The following PLXNA4 variants were observed in gnomAD, a reference collection of about 807,000 sequenced individuals.
The protein encoded by PLXNA4 is plexin A4.
A neutral mutation model predicts 191.8 loss-of-function variants in PLXNA4; 44 were observed. The ratio of observed to expected loss-of-function variants is 0.23; its 90% CI spans 0.18 to 0.29. PLXNA4 has a LOEUF of 0.29. Ranked by LOEUF, PLXNA4 falls within the 10% of genes least tolerant of loss-of-function variation. The pLI, the probability that PLXNA4 is intolerant of heterozygous loss-of-function variation, is 1.00. For synonymous variants in PLXNA4, 1,082 were observed against 1,009.5 expected (o/e 1.07, Z -1.36); for missense variants, 1,800 against 2,488.8 (o/e 0.72, Z 5.89).
At position 132,329,269 on chromosome 7, in the gene PLXNA4, C is replaced by T. The variant is rs6956758; in HGVS notation, c.1372-31047G>A. Among the ~76,000 whole-genome samples the T allele has an allele frequency of 4.3e-3, 659 of 152,310 alleles. 4 individuals are homozygous for T. The highest frequency in any genetic ancestry group is 0.015 in the African/African-American group (614 of 41,568). On this transcript the variant is annotated intron_variant, in intron 3 of 31. Transcript: ENST00000321063. ...TCTCTTGAATCCAGCTCCAGCCTTACCCTTTTAGCACTCACCCCAGGCTGT... is the reference window on the plus strand; with the variant it reads ...TCTCTTGAATCCAGCTCCAGCCTTATCCTTTTAGCACTCACCCCAGGCTGT...
chr7:132,193,700 A>G (rs62469721), intron 14 of PLXNA4, among the ~76,000 whole-genome samples: 6,376 of 152,326 alleles, frequency 0.042, 179 homozygotes, highest in South Asian at 0.077. Flanking sequence ...ACATTTACCC[A>G]GTTAGCAAGT....
rs1417087640 is a variant in PLXNA4 at position 132,558,550 on chromosome 7, GGTCTTGCTA to G, written c.-87+17863_-87+17871del. On this transcript the variant is annotated intron_variant, in intron 1 of 31. Transcript: ENST00000321063. ...TTTAAGTATTTGCCAAGAAGGCTTC[GGTCTTGCTA>G]GTATTAAGTCCTGGGAGAAGGAACA... 5.3e-5 allele frequency among the ~76,000 whole-genome samples: 8 copies of G among 152,248 alleles called. No individual in the cohort carries two copies. The East Asian group carries it at 1.5e-3, about 29-fold the overall frequency.
chr7:132,171,379 A>T (rs1796280913), intron 21 of PLXNA4, among the ~76,000 whole-genome samples: 1 of 152,126 alleles, frequency 6.6e-6, no homozygotes, highest in African/African-American at 2.4e-5. Context: ...TTTGGCTCCC[A>T]AGTGCCCGTT....
intron 4 of PLXNA4, among the ~76,000 whole-genome samples, chr7:132,268,959 C>A (rs1355036327): frequency 6.6e-6 from 1 of 152,170 alleles, no homozygotes; most frequent in African/African-American, 2.4e-5. Context: ...TCTCAGTTGG[C>A]AAGGCACTTG....
chr7:132,509,642 A>G (rs1798628869), intron 1 of PLXNA4, among the ~76,000 whole-genome samples: 2 of 152,254 alleles, frequency 1.3e-5, no homozygotes, highest in South Asian at 4.2e-4. Context: ...GTTCACCCCA[A>G]CCTTGCACAG....
At chr7:132,175,606 C>A (rs767859395) in intron 20 of PLXNA4, among the ~76,000 whole-genome samples, 3 of 152,200 alleles carry the variant, frequency 2.0e-5, no homozygotes, top group Non-Finnish European at 4.4e-5. Context: ...GCTCAGGCCT[C>A]CAGATGAACA....
At chr7:132,247,171 C>A (rs1250956810) in intron 4 of PLXNA4, among the ~76,000 whole-genome samples, 1 of 152,182 alleles carries the variant, frequency 6.6e-6, no homozygotes, top group Non-Finnish European at 1.5e-5. Context: ...AGGGTGCCTG[C>A]TGTTCTGCTG....
intron 2 of PLXNA4, among the ~76,000 whole-genome samples, chr7:132,593,365 G>T (rs1200371286): frequency 6.6e-6 from 1 of 152,114 alleles, no homozygotes; most frequent in Non-Finnish European, 1.5e-5. Context: ...CTCATGATTT[G>T]TCCTGGCTCA....
At chr7:132,241,558 A>T (rs1798879314) in intron 4 of PLXNA4, among the ~76,000 whole-genome samples, 1 of 151,818 alleles carries the variant, frequency 6.6e-6, no homozygotes, top group Admixed American at 6.6e-5. Context: ...GGTCATTCTC[A>T]CTCTCTCATG....
intron 3 of PLXNA4, among the ~76,000 whole-genome samples, chr7:132,459,206 T>G (rs1796414185): frequency 6.6e-6 from 1 of 152,198 alleles, no homozygotes; most frequent in South Asian, 2.1e-4. Flanking sequence ...TGAGGATCAA[T>G]TCCCCTGAGC....
At chr7:132,299,208 C>G (rs1455297354) in intron 3 of PLXNA4, among the ~76,000 whole-genome samples, 1 of 152,194 alleles carries the variant, frequency 6.6e-6, no homozygotes. Flanking sequence ...ACCACACTTC[C>G]CTACCACATG....
intron 22 of PLXNA4, 44 bp from the exon 23 acceptor site, chr7:132,165,244 A>C: frequency 6.3e-7 from 1 of 1,598,354 alleles, no homozygotes; most frequent in Non-Finnish European, 8.5e-7. Flanking sequence ...AGACAAAGAA[A>C]GAAGCAGCTG....
At chr7:132,419,927 A>T (rs1213750626) in intron 3 of PLXNA4, among the ~76,000 whole-genome samples, 3 of 151,602 alleles carry the variant, frequency 2.0e-5, no homozygotes, top group Admixed American at 6.6e-5. Flanking sequence ...TTTTTTTTTT[A>T]AATCATTAAA....
Position 132,545,118 on chromosome 7 carries a change from A to T in PLXNA4, c.-87+31304T>A, listed in dbSNP as rs140494851. Reference sequence around the variant, plus strand: ...TACCAGGACTCCTCTCCGGCTTCAGACCTGGAATTTAACAGGATGACCACC... The same window carrying T: ...TACCAGGACTCCTCTCCGGCTTCAGTCCTGGAATTTAACAGGATGACCACC... On this transcript the variant is annotated intron_variant, in intron 1 of 31. Transcript: ENST00000321063. Among the ~76,000 whole-genome samples the T allele has an allele frequency of 5.3e-5, 8 of 152,256 alleles. No homozygotes were observed. In the East Asian group the frequency reaches 1.4e-3, roughly 26 times the overall value.
chr7:132,554,627 C>T (rs1433930509), intron 1 of PLXNA4, among the ~76,000 whole-genome samples: 1 of 152,186 alleles, frequency 6.6e-6, no homozygotes, highest in Non-Finnish European at 1.5e-5. Context: ...ACGCTCTGAA[C>T]CAGGGTGCCT....
chr7:132,603,139 C>T (rs1170316932), intron 2 of PLXNA4, among the ~76,000 whole-genome samples: 1 of 152,096 alleles, frequency 6.6e-6, no homozygotes, highest in Non-Finnish European at 1.5e-5. Context: ...TTCTCATAGC[C>T]AGTTTGCTGG....
At chr7:132,445,338 T>C (rs1795865125) in intron 3 of PLXNA4, among the ~76,000 whole-genome samples, 1 of 152,044 alleles carries the variant, frequency 6.6e-6, no homozygotes, top group African/African-American at 2.4e-5. Context: ...CCACACCATC[T>C]TGATTTTTGT....
At chr7:132,250,742 G>C (rs1799218881) in intron 4 of PLXNA4, among the ~76,000 whole-genome samples, 1 of 152,180 alleles carries the variant, frequency 6.6e-6, no homozygotes, top group African/African-American at 2.4e-5. Flanking sequence ...CAGTTAACAA[G>C]CTGAGAGGGA....
intron 3 of PLXNA4, among the ~76,000 whole-genome samples, chr7:132,461,150 G>T (rs1563112392): frequency 6.6e-6 from 1 of 152,136 alleles, no homozygotes; most frequent in Non-Finnish European, 1.5e-5. Context: ...GGCTAGGGAA[G>T]AAATATGCTT....
Sources: gnomAD v4.1 joint callset for allele counts (sites outside exome capture counted in the v4.1 genomes callset) on GRCh38, gnomAD v4.1.1 for gene constraint, MANE v1.5 for transcripts, NCBI Gene and HGNC (gene_info 2026-07-23, HGNC 2026-07-21) for gene names.